ENOX1: variants seen among roughly 807,000 people sequenced by gnomAD.
ENOX1 encodes the protein candidate growth-related and time keeping constitutive hydroquinone (NADH) oxidase.
Under a neutral mutation model 82.5 loss-of-function variants are expected in ENOX1, and 42 were observed. The observed-to-expected ratio is 0.51, with a 90% CI of 0.40 to 0.66. The LOEUF (loss-of-function observed/expected upper bound fraction) is 0.66. Ranked by LOEUF, ENOX1 falls within the 30% of genes least tolerant of loss-of-function variation. ENOX1 has a pLI of 0.00. For missense variants in ENOX1, 608 were observed against 811.6 expected (o/e 0.75, Z 3.05); for synonymous variants, 271 against 282.2 (o/e 0.96, Z 0.40).
chr13:43,623,863 G>A (rs2172926), intron 2 of ENOX1, among the ~76,000 whole-genome samples: 151,108 of 152,318 alleles, frequency 0.99, 74,964 homozygotes, highest in Middle Eastern at 1. Flanking sequence ...CAATTTTTGA[G>A]TATTGTAAAT....
chr13:43,507,434 T>A (rs1281085486), intron 2 of ENOX1, among the ~76,000 whole-genome samples: 4 of 151,948 alleles, frequency 2.6e-5, no homozygotes, highest in Admixed American at 2.6e-4. Flanking sequence ...AATTAGTAAC[T>A]TACAAAGGGG....
At chr13:43,280,847 T>G (rs1297732381) in intron 12 of ENOX1, among the ~76,000 whole-genome samples, 1 of 152,164 alleles carries the variant, frequency 6.6e-6, no homozygotes, top group Non-Finnish European at 1.5e-5. Flanking sequence ...CATTTAATCT[T>G]TAGGTGGCTC....
At chr13:43,406,492 C>CCTT (rs1464965692) in intron 5 of ENOX1, among the ~76,000 whole-genome samples, 3 of 114,050 alleles carry the variant, frequency 2.6e-5, no homozygotes, top group African/African-American at 5.8e-5. Flanking sequence ...AGTATGTTGT[C>CCTT]TTTTTTTTTT....
chr13:43,675,706 C>T (rs1475438111), intron 1 of ENOX1, among the ~76,000 whole-genome samples: 1 of 152,154 alleles, frequency 6.6e-6, no homozygotes, highest in African/African-American at 2.4e-5. Flanking sequence ...ACACAGCAAG[C>T]AGTCAGCAGC....
chr13:43,374,912 G>C (rs1276304118), intron 5 of ENOX1, among the ~76,000 whole-genome samples: 1 of 152,164 alleles, frequency 6.6e-6, no homozygotes, highest in Non-Finnish European at 1.5e-5. Context: ...AGAGCAGAGG[G>C]GGAAAAGCAG....
chr13:43,630,481 CT>C (rs1385046194), intron 2 of ENOX1, among the ~76,000 whole-genome samples: 1 of 152,058 alleles, frequency 6.6e-6, no homozygotes, highest in Non-Finnish European at 1.5e-5. Context: ...TCAATTAAAG[CT>C]TATTGCCATT....
At chr13:43,340,587 C>T (rs2048993558) in intron 9 of ENOX1, among the ~76,000 whole-genome samples, 1 of 152,156 alleles carries the variant, frequency 6.6e-6, no homozygotes, top group Non-Finnish European at 1.5e-5. Context: ...TTCTTTCACC[C>T]CAACTCTCCT....
At chr13:43,510,746 G>A (rs963476731) in intron 2 of ENOX1, among the ~76,000 whole-genome samples, 16 of 152,088 alleles carry the variant, frequency 1.1e-4, no homozygotes, top group Admixed American at 3.9e-4. Context: ...ATATGATCTT[G>A]AGAAAGTTAT....
At chr13:43,456,935 T>C (rs540779939) in intron 3 of ENOX1, among the ~76,000 whole-genome samples, 1 of 152,210 alleles carries the variant, frequency 6.6e-6, no homozygotes, top group Non-Finnish European at 1.5e-5. Context: ...TCCATCACTC[T>C]GCTGTCTTCC....
chr13:43,497,168 C>T (rs186290281), intron 2 of ENOX1, among the ~76,000 whole-genome samples: 179 of 152,152 alleles, frequency 1.2e-3, no homozygotes, highest in African/African-American at 4.2e-3. Context: ...TTTTAGACTC[C>T]ATAGGATTTT....
At chr13:43,539,011 G>A (rs2078592936) in intron 2 of ENOX1, among the ~76,000 whole-genome samples, 2 of 151,960 alleles carry the variant, frequency 1.3e-5, no homozygotes, top group African/African-American at 2.4e-5. Flanking sequence ...TTTCAAGGAT[G>A]GTGGTCTCGC....
chr13:43,762,542 A>G (rs1351069931), intron 1 of ENOX1, among the ~76,000 whole-genome samples: 1 of 152,148 alleles, frequency 6.6e-6, no homozygotes, highest in East Asian at 1.9e-4. Flanking sequence ...CACTAATCAA[A>G]ACACAATATA....
At chr13:43,361,771 G>A (rs777259969) in intron 5 of ENOX1, among the ~76,000 whole-genome samples, 2 of 152,044 alleles carry the variant, frequency 1.3e-5, no homozygotes, top group Non-Finnish European at 2.9e-5. Flanking sequence ...ATTTCTTAAC[G>A]TTGGTGTATT....
At chr13:43,726,817 C>T (rs2089002610) in intron 1 of ENOX1, among the ~76,000 whole-genome samples, 3 of 151,986 alleles carry the variant, frequency 2.0e-5, no homozygotes, top group South Asian at 2.1e-4. Flanking sequence ...TCTCAGCTCA[C>T]TGCAACCTCT....
At chr13:43,760,528 A>G (rs1262629201) in intron 1 of ENOX1, among the ~76,000 whole-genome samples, 1 of 152,054 alleles carries the variant, frequency 6.6e-6, no homozygotes, top group Non-Finnish European at 1.5e-5. Context: ...CACACTAAAC[A>G]TCCCTGGATC....
Position 43,364,682 on chromosome 13 carries a change from C to G in ENOX1, c.209-3230G>C, listed in dbSNP as rs185992218. On this transcript the variant is annotated intron_variant, in intron 5 of 16. Coordinates refer to ENST00000690772, the MANE Select transcript of ENOX1 (RefSeq NM_001347969.2). ...CATGGCAGTTGAATTAATTAAAGCA[C>G]TCATTCATTTGAATTAAAGATCCAT... Among the ~76,000 whole-genome samples, 34 of 113,338 alleles carry G rather than the reference C, an allele frequency of 3.0e-4. No homozygotes were observed. The South Asian group carries it at 8.3e-3, about 28-fold the overall frequency. 74.4% of individuals were successfully genotyped at this position (113,338 alleles called of 152,430 possible). A position where few individuals can be genotyped will look rare whatever the true frequency, so the allele number is the denominator to read the frequency against.
intron 2 of ENOX1, among the ~76,000 whole-genome samples, chr13:43,590,393 G>A (rs1346037439): frequency 6.6e-6 from 1 of 152,116 alleles, no homozygotes; most frequent in Non-Finnish European, 1.5e-5. Context: ...AATTAAAATT[G>A]TCTTTATCCA....
intron 2 of ENOX1, among the ~76,000 whole-genome samples, chr13:43,592,492 G>A (rs1220680580): frequency 6.6e-6 from 1 of 152,094 alleles, no homozygotes; most frequent in East Asian, 1.9e-4. Context: ...ACAAAGAACA[G>A]CTTGATTTAT....
At chr13:43,574,902 G>A (rs2080346701) in intron 2 of ENOX1, among the ~76,000 whole-genome samples, 1 of 152,196 alleles carries the variant, frequency 6.6e-6, no homozygotes, top group African/African-American at 2.4e-5. Context: ...CATGTGGAGA[G>A]ACACCAAATG....
Sources: allele counts gnomAD v4.1 joint callset (sites outside exome capture counted in the v4.1 genomes callset), GRCh38; gene constraint gnomAD v4.1.1; transcripts MANE v1.5; gene names NCBI Gene and HGNC (gene_info 2026-07-23, HGNC 2026-07-21).